Variants in SIL1 observed in about 807,000 individuals in gnomAD.
The protein encoded by SIL1 is SIL1 nucleotide exchange factor.
A neutral mutation model predicts 49.1 loss-of-function variants in SIL1; 40 were observed. The ratio of observed to expected loss-of-function variants is 0.81; its 90% confidence interval spans 0.63 to 1.06. The LOEUF (loss-of-function observed/expected upper bound fraction) is 1.06, where lower values mean the gene tolerates loss of function less well. SIL1 is among the 50% of genes least tolerant of loss of function. The pLI is 0.00. For synonymous variants in SIL1, 253 were observed against 250.8 expected (o/e 1.01, Z -0.08); for missense variants, 500 against 572.6 (o/e 0.87, Z 1.29).
chr5:139,082,508 C>T (rs1367445190), intron 3 of SIL1, among the ~76,000 whole-genome samples: 1 of 152,174 alleles, frequency 6.6e-6, no homozygotes, highest in Non-Finnish European at 1.5e-5. Flanking sequence ...AATCTATGTT[C>T]CAAGATAGGG....
At chr5:138,961,140 A>C (rs1767012448) in intron 7 of SIL1, among the ~76,000 whole-genome samples, 1 of 152,186 alleles carries the variant, frequency 6.6e-6, no homozygotes, top group Admixed American at 6.5e-5. Flanking sequence ...CTTTAAAAAT[A>C]CTCTTAAGTC....
intron 7 of SIL1, among the ~76,000 whole-genome samples, chr5:138,978,826 A>G (rs751581391): frequency 7.2e-5 from 11 of 152,200 alleles, no homozygotes; most frequent in Non-Finnish European, 1.5e-4. Context: ...TTGTCTGGAC[A>G]GCTGTCCATT....
intron 5 of SIL1, among the ~76,000 whole-genome samples, chr5:139,034,073 T>C (rs1581046162): frequency 1.3e-5 from 2 of 152,306 alleles, no homozygotes; most frequent in East Asian, 1.9e-4. Flanking sequence ...ATTATGTAAA[T>C]TGCTCTTGTT....
At chr5:138,998,170 T>G (rs1767911358) in intron 7 of SIL1, among the ~76,000 whole-genome samples, 1 of 152,056 alleles carries the variant, frequency 6.6e-6, no homozygotes, top group Non-Finnish European at 1.5e-5. Flanking sequence ...CTGGGTAATT[T>G]TTACTTATTT....
At chr5:139,017,717 T>G (rs1381942485) in intron 7 of SIL1, among the ~76,000 whole-genome samples, 1 of 152,046 alleles carries the variant, frequency 6.6e-6, no homozygotes, top group Non-Finnish European at 1.5e-5. Flanking sequence ...GGCGGCTAGT[T>G]TGCTAAGAAC....
At chr5:139,191,432 G>A (rs1035670063) in intron 1 of SIL1, among the ~76,000 whole-genome samples, 2 of 151,710 alleles carry the variant, frequency 1.3e-5, no homozygotes, top group African/African-American at 4.8e-5. Context: ...TTTCCCCTTG[G>A]GAGCCTCACA....
Position 139,081,260 on chromosome 5 carries a change from T to A in SIL1, c.245-30214A>T, listed in dbSNP as rs1484148816. On this transcript the variant is annotated intron_variant, in intron 3 of 9. Coordinates refer to ENST00000394817, the MANE Select transcript of SIL1 (RefSeq NM_022464.5). ...ATGTGGCCTGCAATATAAATTTTTTTATTTATTTTTCTGAGACTGGGTCTC... is the reference window on the plus strand; with the variant it reads ...ATGTGGCCTGCAATATAAATTTTTTAATTTATTTTTCTGAGACTGGGTCTC... 4.6e-5 allele frequency among the ~76,000 whole-genome samples: 7 copies of A among 152,180 alleles called. No homozygotes were observed. In the East Asian group the frequency reaches 1.2e-3, roughly 25 times the overall value.
chr5:139,072,515 A>G (rs1190220393), intron 3 of SIL1, among the ~76,000 whole-genome samples: 3 of 152,208 alleles, frequency 2.0e-5, no homozygotes, highest in African/African-American at 7.2e-5. Flanking sequence ...AAAGAATGAA[A>G]TTAGACCCTT....
chr5:138,989,641 G>C (rs765761377), intron 7 of SIL1, among the ~76,000 whole-genome samples: 5 of 152,100 alleles, frequency 3.3e-5, no homozygotes, highest in Non-Finnish European at 7.4e-5. Context: ...CTTTATGTAG[G>C]ACACCTTTTG....
intron 3 of SIL1, among the ~76,000 whole-genome samples, chr5:139,075,731 A>G (rs1769934111): frequency 6.6e-6 from 1 of 152,242 alleles, no homozygotes; most frequent in Non-Finnish European, 1.5e-5. Flanking sequence ...ATGCCCCATT[A>G]TACTGAATTG....
intron 5 of SIL1, among the ~76,000 whole-genome samples, chr5:139,039,233 C>T (rs998681434): frequency 6.6e-6 from 1 of 152,160 alleles, no homozygotes; most frequent in African/African-American, 2.4e-5. Flanking sequence ...CAGGAGCAGA[C>T]GTGAGTTCAG....
In SIL1 at chr5:139,143,251, AT is replaced by A. The variant is rs1164321615; in HGVS notation, c.-10-15399del. 6.5e-4 allele frequency among the ~76,000 whole-genome samples: 57 copies of A among 88,372 alleles called. 1 individual carries two copies. The African/African-American group carries it at 7.1e-3, about 11-fold the overall frequency. The allele number at this position is 88,372 out of a possible 152,430, so 58.0% of individuals were successfully genotyped here. On this transcript the variant is annotated intron_variant, in intron 1 of 9. Transcript: ENST00000394817. Reference sequence around the variant, plus strand: ...TGTATATACATATATGTATATATACATATATAAACACATATATACACACATA... The same window carrying A: ...TGTATATACATATATGTATATATACAATATAAACACATATATACACACATA...
At chr5:138,976,099 C>T (rs1401257490) in intron 7 of SIL1, among the ~76,000 whole-genome samples, 2 of 152,198 alleles carry the variant, frequency 1.3e-5, no homozygotes, top group African/African-American at 4.8e-5. Context: ...GACTAAGCCC[C>T]TAAGGTCTTA....
intron 3 of SIL1, among the ~76,000 whole-genome samples, chr5:139,075,680 A>AT (rs749271803): frequency 3.1e-4 from 47 of 152,214 alleles, no homozygotes; most frequent in Middle Eastern, 3.2e-3. Context: ...TAAAGCAGGA[A>AT]TATCTATTTT....
chr5:139,128,229 C>T (rs937482681), intron 1 of SIL1, among the ~76,000 whole-genome samples: 2 of 152,068 alleles, frequency 1.3e-5, no homozygotes, highest in African/African-American at 2.4e-5. Context: ...TCCACATAAG[C>T]CTTTATAACC....
intron 1 of SIL1, among the ~76,000 whole-genome samples, chr5:139,139,382 G>C (rs1174929035): frequency 6.6e-6 from 1 of 152,058 alleles, no homozygotes; most frequent in Non-Finnish European, 1.5e-5. Flanking sequence ...AAAACATCAG[G>C]GCCTCTTAAA....
At chr5:139,030,203 G>C (rs895522182) in intron 5 of SIL1, among the ~76,000 whole-genome samples, 1 of 152,010 alleles carries the variant, frequency 6.6e-6, no homozygotes, top group South Asian at 2.1e-4. Flanking sequence ...AGTGGCTCAC[G>C]CCTGTAATCT....
At chr5:138,949,964 T>C (rs574496168) in intron 9 of SIL1, among the ~76,000 whole-genome samples, 4 of 152,324 alleles carry the variant, frequency 2.6e-5, no homozygotes, top group Admixed American at 6.5e-5. Context: ...ATTTCTGTAC[T>C]GTTTGTAGAG....
chr5:138,998,546 G>T (rs905899351), intron 7 of SIL1, among the ~76,000 whole-genome samples: 4 of 152,120 alleles, frequency 2.6e-5, no homozygotes, highest in African/African-American at 7.2e-5. Flanking sequence ...CATGGTGTCG[G>T]CATCTGATTC....
Sources: allele counts gnomAD v4.1 joint callset (sites outside exome capture counted in the v4.1 genomes callset), GRCh38; gene constraint gnomAD v4.1.1; transcripts MANE v1.5; gene names NCBI Gene and HGNC (gene_info 2026-07-23, HGNC 2026-07-21).